The following PLA2G4E variants were observed in gnomAD, a reference collection of about 807,000 sequenced individuals.
PLA2G4E encodes phospholipase A2 group IVE.
In PLA2G4E, 84 loss-of-function variants were observed where a neutral mutation model predicts 109.1. The ratio of observed to expected loss-of-function variants is 0.77; its 90% CI spans 0.65 to 0.92. PLA2G4E has a LOEUF of 0.92. PLA2G4E is among the 40% of genes least tolerant of loss of function. PLA2G4E has a pLI of 0.00. For synonymous variants in PLA2G4E, 469 were observed against 436.1 expected, an observed-to-expected ratio of 1.08 and a Z score of -0.94; for missense variants, 1,057 against 1,076.6, an observed-to-expected ratio of 0.98 and a Z score of 0.25.
chr15:42,047,677 G>A (rs532193570), intron 1 of PLA2G4E, among the ~76,000 whole-genome samples: 1 of 152,222 alleles, frequency 6.6e-6, no homozygotes, highest in South Asian at 2.1e-4. Flanking sequence ...CATTCCCCAA[G>A]CCTACATGTC....
At chr15:41,986,651 G>A (rs989429786) in intron 17 of PLA2G4E, among the ~76,000 whole-genome samples, 2 of 151,962 alleles carry the variant, frequency 1.3e-5, no homozygotes, top group Non-Finnish European at 2.9e-5. Flanking sequence ...CAAGTAGCTG[G>A]GACTACAGGT....
At chr15:42,039,700 G>A (rs1242523356) in intron 1 of PLA2G4E, among the ~76,000 whole-genome samples, 1 of 151,798 alleles carries the variant, frequency 6.6e-6, no homozygotes, top group Non-Finnish European at 1.5e-5. Flanking sequence ...ATGCAAAATA[G>A]CAATGAAAAA....
chr15:42,032,619 G>A (rs1233637306), intron 1 of PLA2G4E, among the ~76,000 whole-genome samples: 2 of 152,238 alleles, frequency 1.3e-5, no homozygotes, highest in Non-Finnish European at 2.9e-5. Flanking sequence ...GTGAGTCTGA[G>A]AGGCAGCCGT....
At chr15:42,014,233 C>A (rs2141057956) in intron 1 of PLA2G4E, among the ~76,000 whole-genome samples, 1 of 152,284 alleles carries the variant, frequency 6.6e-6, no homozygotes, top group African/African-American at 2.4e-5. Flanking sequence ...TTTCTGTCTG[C>A]TCTTCAGCCT....
At chr15:42,034,988 G>A (rs899504324) in intron 1 of PLA2G4E, among the ~76,000 whole-genome samples, 1 of 152,242 alleles carries the variant, frequency 6.6e-6, no homozygotes, top group African/African-American at 2.4e-5. Context: ...CACATCTGCA[G>A]GAGGGCTGTA....
chr15:42,032,561 G>A (rs1889133192), intron 1 of PLA2G4E, among the ~76,000 whole-genome samples: 1 of 152,230 alleles, frequency 6.6e-6, no homozygotes, highest in African/African-American at 2.4e-5. Flanking sequence ...GTGTGGGGGT[G>A]GACAGAACAC....
At chr15:42,011,849 G>C (rs948364173) in intron 2 of PLA2G4E, among the ~76,000 whole-genome samples, 3 of 152,236 alleles carry the variant, frequency 2.0e-5, no homozygotes, top group Non-Finnish European at 1.5e-5. Context: ...CTGCCCAAGA[G>C]TGGGAAAGTG....
At chr15:42,029,248 C>A (rs1889074372) in intron 1 of PLA2G4E, among the ~76,000 whole-genome samples, 1 of 152,130 alleles carries the variant, frequency 6.6e-6, no homozygotes, top group African/African-American at 2.4e-5. Flanking sequence ...CACACATCAC[C>A]ACGCCTAGCT....
At chr15:41,990,046 A>G in intron 14 of PLA2G4E, 75 bp downstream of exon 14, 1 of 1,090,440 alleles carries the variant, frequency 9.2e-7, no homozygotes. Context: ...GGGGACCTGG[A>G]GGTGCTGGGT....
At chr15:41,985,705 G>A in intron 18 of PLA2G4E, 134 bp downstream of exon 18, 1 of 1,140,598 alleles carries the variant, frequency 8.8e-7, no homozygotes, top group Non-Finnish European at 1.2e-6. Context: ...ACTGCTGCTT[G>A]GCTTCCTCTG....
At chr15:42,029,781 T>A (rs967283808) in intron 1 of PLA2G4E, among the ~76,000 whole-genome samples, 5 of 152,134 alleles carry the variant, frequency 3.3e-5, no homozygotes, top group African/African-American at 1.2e-4. Flanking sequence ...CCAGAATAAA[T>A]GAGGTAAAGG....
chr15:42,013,645 C>A (rs1171893600), intron 2 of PLA2G4E, 40 bp downstream of exon 2: 1 of 1,472,596 alleles, frequency 6.8e-7, no homozygotes, highest in East Asian at 2.7e-5. Context: ...CCATCCAGAT[C>A]CGGTAAGCAG....
chr15:42,021,963 C>A (rs184885772), intron 1 of PLA2G4E, among the ~76,000 whole-genome samples: 3 of 152,328 alleles, frequency 2.0e-5, no homozygotes, highest in Non-Finnish European at 4.4e-5. Context: ...ACGTGCCTGG[C>A]CTTCCAGAAA....
In PLA2G4E at chr15:42,021,044, C is replaced by T. The variant is rs145792224; in HGVS notation, c.184-7287G>A. On this transcript the variant is annotated intron_variant, in intron 1 of 19. Transcript: ENST00000399518. ...CCTCAGGAGCATCACGGCAGCTCTC[C>T]AGCTGGGTGGCAAGATCAGGAACTT... 5.9e-3 allele frequency among the ~76,000 whole-genome samples: 900 copies of T among 152,088 alleles called. 8 individuals are homozygous for T. The highest frequency in any genetic ancestry group is 0.021 in the African/African-American group (861 of 41,484).
In PLA2G4E at chr15:42,024,289, T is replaced by C. The variant is rs114758450; in HGVS notation, c.184-10532A>G. Among the ~76,000 whole-genome samples, 1,462 of 152,282 alleles carry C rather than the reference T, an allele frequency of 9.6e-3. 23 individuals are homozygous for C. The highest frequency in any genetic ancestry group is 0.034 in the African/African-American group (1,405 of 41,544). ...TGCTCCAAGTCAAGTGCTCTTTTGG[T>C]AGAGTTCCTTCTGTGTGGAAATTCT... On this transcript the variant is annotated intron_variant, in intron 1 of 19. Transcript: ENST00000399518.
At chr15:42,043,098 T>G (rs1889344711) in intron 1 of PLA2G4E, among the ~76,000 whole-genome samples, 1 of 152,200 alleles carries the variant, frequency 6.6e-6, no homozygotes, top group Non-Finnish European at 1.5e-5. Flanking sequence ...AGGAGACTCC[T>G]ACACTGGGCA....
At chr15:42,022,255 G>A (rs533215710) in intron 1 of PLA2G4E, among the ~76,000 whole-genome samples, 6 of 152,292 alleles carry the variant, frequency 3.9e-5, no homozygotes, top group Admixed American at 6.5e-5. Context: ...TAGAAGGATC[G>A]ATAACAATCC....
chr15:41,988,108 A>G, exon 16 of PLA2G4E: 3 of 1,607,856 alleles, frequency 1.9e-6, no homozygotes, highest in East Asian at 2.2e-5. Flanking sequence ...GGTGTGTGAC[A>G]GGTTCCAGGC....
chr15:42,001,288 A>G (rs1477632596), intron 6 of PLA2G4E, 68 bp from the exon 7 acceptor site: 1 of 1,380,574 alleles, frequency 7.2e-7, no homozygotes, highest in Non-Finnish European at 1.0e-6. Context: ...TCCAGGCTGA[A>G]GGGAGATGAG....
Sources: allele counts gnomAD v4.1 joint callset (sites outside exome capture counted in the v4.1 genomes callset), GRCh38; gene constraint gnomAD v4.1.1; transcripts MANE v1.5; gene names NCBI Gene and HGNC (gene_info 2026-07-23, HGNC 2026-07-21).